The following ACTR8 variants were observed in gnomAD, a reference collection of about 807,000 sequenced individuals.
The protein encoded by ACTR8 is actin related protein 8, also known as actin-related protein 8.
Under a neutral mutation model 84.3 loss-of-function variants are expected in ACTR8, and 70 were observed. The observed-to-expected ratio is 0.83, with a 90% CI of 0.68 to 1.01. The LOEUF (loss-of-function observed/expected upper bound fraction) is 1.01. Ranked by LOEUF, ACTR8 falls within the 50% of genes least tolerant of loss-of-function variation. The probability of loss-of-function intolerance (pLI) is 0.00; values close to 1 mark genes in which losing one functional copy is unlikely to be tolerated. For missense variants in ACTR8, 672 were observed against 775.4 expected (o/e 0.87, Z 1.58); for synonymous variants, 268 against 275.2 (o/e 0.97, Z 0.26).
chr3:53,870,648 AAAAT>A lies in ACTR8; in HGVS notation c.1568-507_1568-504del, dbSNP rs141455868. Among the ~76,000 whole-genome samples, 35,945 of 151,670 alleles carry A rather than the reference AAAAT, an allele frequency of 0.24. 5,001 individuals are homozygous for A. Among genetic ancestry groups the A allele is most frequent in the East Asian group, 0.4 (2,017 of 5,096 alleles). On this transcript the variant is annotated intron_variant, in intron 11 of 12. Coordinates refer to ENST00000335754, the MANE Select transcript of ACTR8 (RefSeq NM_022899.5). This position sits in a 1 kb window ranked among gnomAD's most constrained non-coding sequence, Gnocchi z 4.1. ...CCTGGGCAATGGAGTGAGACTCTGA[AAAAT>A]AAATAAATAAAATCTTTAAAGGGAC... is the stretch of plus-strand genomic sequence containing the variant.
At chr3:53,876,509 ACT>A in intron 6 of ACTR8, 109 bp downstream of exon 6, 1 of 699,442 alleles carries the variant, frequency 1.4e-6, no homozygotes, top group East Asian at 3.1e-5. Context: ...ACAGAGAGAG[ACT>A]CTGTCTCAAA....
At position 53,877,711 on chromosome 3, in the gene ACTR8, T is replaced by C. The variant is rs768886722; in HGVS notation, c.446A>G (p.Asp149Gly). The change falls in exon 4 of 13, where the codon GAT becomes GGT. Residue 149 changes from aspartate to glycine, a missense_variant. By Grantham distance (94) the Asp-to-Gly change is moderately conservative (BLOSUM62 -1). Coordinates refer to ENST00000335754, the MANE Select transcript of ACTR8 (RefSeq NM_022899.5). ...YNKQMRPAIL[D>G]HCSGNKWTNT... ...TGTCCACTTATTTCCCGAACAGTGA[T>C]CTAAAATTGCAGGTCGCATCTGCTT... 3.1e-6 allele frequency: 5 copies of C among 1,614,044 alleles called. No individual in the cohort carries two copies. The East Asian group carries it at 1.1e-4, about 36-fold the overall frequency.
At chr3:53,881,815 C>G (rs1477885339) in intron 1 of ACTR8, 164 bp downstream of exon 1, 5 of 1,200,378 alleles carry the variant, frequency 4.2e-6, no homozygotes, top group African/African-American at 1.5e-5. Flanking sequence ...CCCTCGGCGT[C>G]CCGGCGCGCC....
In ACTR8 at chr3:53,875,984, C is replaced by G. The variant is rs1220987697; in HGVS notation, c.875G>C (p.Cys292Ser). ...ATGAGACACCCCATCCTCCACACAG[C>G]ATACACTTGTCTTCTGGTCCCCAAC... The part of the protein sequence containing the change: ...VDVGDQKTSV[C>S]CVEDGVSHRN... The change falls in exon 7 of 13, where the codon TGC (cysteine) becomes TCC (serine). Residue 292 changes from cysteine (C) to serine (S), a missense_variant. By Grantham distance (112) the Cys-to-Ser change is moderately radical. Transcript: ENST00000335754. 1 of 1,614,218 alleles carries G rather than the reference C, an allele frequency of 6.2e-7. No homozygotes were observed. Among genetic ancestry groups the G allele is most frequent in the Non-Finnish European group, 8.5e-7 (1 of 1,180,042 alleles).
In ACTR8 at chr3:53,876,086, G is replaced by GC; in HGVS notation, c.779-7_779-6insG. 1.3e-6 allele frequency: 2 copies of GC among 1,582,436 alleles called. No individual in the cohort carries two copies. The highest frequency in any genetic ancestry group is 2.4e-5 in the East Asian group (1 of 42,088). On this transcript the variant is annotated splice_region_variant and splice_polypyrimidine_tract_variant and intron_variant, in intron 6 of 12. Transcript: ENST00000335754. ...CTCCTGATGGACCACAATCCCTGGG[G>GC]GGGGAAAAGAAAAGGCAGAGTAGTC...
rs1576860698 is a variant in ACTR8, at chr3:53,870,277, T to C, written c.1568-132A>G. On this transcript the variant is annotated intron_variant, in intron 11 of 12. Coordinates refer to ENST00000335754, the MANE Select transcript of ACTR8 (RefSeq NM_022899.5). The surrounding 1 kb of genome is among the most constrained non-coding windows in gnomAD (Gnocchi z 4.1). Reference sequence around the variant, plus strand: ...TTTCCCTCCAGCCCACCCTCCACACTGCAGCCAGGGGAACCCTACGAAACA... The same window carrying C: ...TTTCCCTCCAGCCCACCCTCCACACCGCAGCCAGGGGAACCCTACGAAACA... The C allele has an allele frequency of 2.9e-6, 3 of 1,042,312 alleles. No homozygotes were observed. In the East Asian group the frequency reaches 7.3e-5, roughly 25 times the overall value. 64.6% of individuals were successfully genotyped at this position (1,042,312 alleles called of 1,614,324 possible).
rs184667584 is a variant in ACTR8 at position 53,870,285 on chromosome 3, G to A, written c.1568-140C>T. Reference sequence around the variant, plus strand: ...CAGCCCACCCTCCACACTGCAGCCAGGGGAACCCTACGAAACACAAATGTA... The same window carrying A: ...CAGCCCACCCTCCACACTGCAGCCAAGGGAACCCTACGAAACACAAATGTA... On this transcript the variant is annotated intron_variant, in intron 11 of 12. Coordinates refer to ENST00000335754, the MANE Select transcript of ACTR8 (RefSeq NM_022899.5). This position sits in a 1 kb window ranked among gnomAD's most constrained non-coding sequence, Gnocchi z 4.1. 1.0e-5 allele frequency: 10 copies of A among 969,046 alleles called. No individual in the cohort carries two copies. In the East Asian group the frequency reaches 2.2e-4, roughly 21 times the overall value. 60.0% of individuals were successfully genotyped at this position (969,046 alleles called of 1,614,324 possible). A position where few individuals can be genotyped will look rare whatever the true frequency, so the allele number is the denominator to read the frequency against.
At chr3:53,877,152 C>G in intron 5 of ACTR8, 62 bp downstream of exon 5, 1 of 1,467,596 alleles carries the variant, frequency 6.8e-7, no homozygotes, top group South Asian at 1.4e-5. Flanking sequence ...AACTCGGTAA[C>G]GTGTACTTTC....
In ACTR8 at chr3:53,870,123, C is replaced by A; in HGVS notation, c.1590G>T (p.Lys530Asn). 5.0e-6 allele frequency: 8 copies of A among 1,613,492 alleles called. No homozygotes were observed. The highest frequency in any genetic ancestry group is 5.1e-6 in the Non-Finnish European group (6 of 1,179,500). Residue 530 changes from lysine (K) to asparagine (N), a missense_variant, in exon 12 of 13, where the codon AAG becomes AAT. Lys to Asn is a moderately conservative substitution (Grantham distance 94). Coordinates refer to ENST00000335754, the MANE Select transcript of ACTR8 (RefSeq NM_022899.5). This position sits in a 1 kb window ranked among gnomAD's most constrained non-coding sequence, Gnocchi z 4.1. ...CCACCACTAGGATGGAGCTGTACAT[C>A]TTCTTTTTGGTGTCGTCAGATGCTG... ...DCCSSDDTKK[K>N]MYSSILVVGG...
At chr3:53,878,605 A>G in intron 2 of ACTR8, 138 bp from the exon 3 acceptor site, 1 of 636,154 alleles carries the variant, frequency 1.6e-6, no homozygotes, top group Non-Finnish European at 2.8e-6. Flanking sequence ...TATCACATGT[A>G]CTGCTCTTAA....
chr3:53,864,826 T>C, downstream of ACTR8: 1 of 1,614,192 alleles, frequency 6.2e-7, no homozygotes, highest in Non-Finnish European at 8.5e-7. Flanking sequence ...ATCTGAAATA[T>C]GTTTCCATCA....
rs1404384645 is a variant in ACTR8 at position 53,870,067 on chromosome 3, T to C, written c.1646A>G (p.Glu549Gly). The C allele has an allele frequency of 1.2e-6, 2 of 1,614,184 alleles. No homozygotes were observed. The highest frequency in any genetic ancestry group is 3.3e-5 in the Admixed American group (2 of 60,022). Residue 549 changes from glutamate to glycine, a missense_variant, in exon 12 of 13, where the codon GAA becomes GGA. Transcript: ENST00000335754. This position sits in a 1 kb window ranked among gnomAD's most constrained non-coding sequence, Gnocchi z 4.1. ...GTTGAGAATTCTGTGCTGCAGAAAT[T>C]CTTGAGCTTTATGAAACATCAAACC... The part of the protein sequence containing the change: ...GGGLMFHKAQ[E>G]FLQHRILNKM...
At chr3:53,873,761 C>T (rs1382871583) in intron 8 of ACTR8, among the ~76,000 whole-genome samples, 2 of 152,292 alleles carry the variant, frequency 1.3e-5, no homozygotes, top group East Asian at 3.9e-4. Context: ...TCCTTAAGGG[C>T]TTTCACCTGC....
At chr3:53,865,278 A>C, downstream of ACTR8, 1 of 1,608,650 alleles carries the variant, frequency 6.2e-7, no homozygotes. Context: ...AAAGATCACA[A>C]GCCTGCCACG....
chr3:53,876,566 A>G lies in ACTR8; in HGVS notation c.778+54T>C. The G allele has an allele frequency of 3.0e-6, 3 of 1,008,248 alleles. No individual in the cohort carries two copies. The South Asian group carries it at 4.2e-5, about 14-fold the overall frequency. 62.5% of individuals were successfully genotyped at this position (1,008,248 alleles called of 1,614,324 possible). A position where few individuals can be genotyped will look rare whatever the true frequency, so the allele number is the denominator to read the frequency against. On this transcript the variant is annotated intron_variant, in intron 6 of 12. Coordinates refer to ENST00000335754, the MANE Select transcript of ACTR8 (RefSeq NM_022899.5). The stretch of plus-strand genomic sequence containing the variant: ...GTCAGTAAATAAGATTAACTCTGTC[A>G]TTAAAGAAAGAAAATTCCATTTAAA...
chr3:53,868,323 G>C lies in ACTR8; in HGVS notation c.*396C>G, dbSNP rs148353645. The C allele has an allele frequency of 4.9e-5, 8 of 162,574 alleles. No homozygotes were observed. The East Asian group carries it at 1.4e-3, about 29-fold the overall frequency. The allele number at this position is 162,574 out of a possible 1,614,324, so 10.1% of individuals were successfully genotyped here. A position where few individuals can be genotyped will look rare whatever the true frequency, so the allele number is the denominator to read the frequency against. On this transcript the variant is annotated 3_prime_UTR_variant, in exon 13 of 13. Coordinates refer to ENST00000335754, the MANE Select transcript of ACTR8 (RefSeq NM_022899.5). ...CTAGACAAGAGAGAAAATGGCATGA[G>C]TGGACAGTTCTCCCTCGTCACATAC...
At chr3:53,871,527 G>A in intron 10 of ACTR8, 31 bp from the exon 11 acceptor site, 1 of 1,610,682 alleles carries the variant, frequency 6.2e-7, no homozygotes, top group Non-Finnish European at 8.5e-7. Context: ...CAAGTATGTG[G>A]TATTACAACA....
At position 53,870,101 on chromosome 3, in the gene ACTR8, C is replaced by A. The variant is rs1559790840; in HGVS notation, c.1612G>T (p.Val538Leu). ...KKKMYSSILV[V>L]GGGLMFHKAQ... The stretch of plus-strand genomic sequence containing the variant: ...TTATGAAACATCAAACCACCTCCCA[C>A]CACTAGGATGGAGCTGTACATCTTC... Residue 538 changes from valine (V) to leucine (L), a missense_variant, in exon 12 of 13, where the codon GTG becomes TTG. By Grantham distance (32) the Val-to-Leu change is conservative. Transcript: ENST00000335754. This position sits in a 1 kb window ranked among gnomAD's most constrained non-coding sequence, Gnocchi z 4.1. 1 of 1,614,190 alleles carries A rather than the reference C, an allele frequency of 6.2e-7. No homozygotes were observed. The highest frequency in any genetic ancestry group is 2.2e-5 in the East Asian group (1 of 44,880).
the ACTR8 span, chr3:53,861,597 A>G: frequency 6.6e-5 from 10 of 152,370 alleles, no homozygotes; most frequent in South Asian, 2.1e-3. Context: ...AAGCAAAGTC[A>G]TTATATGACA....
Sources: allele counts gnomAD v4.1 joint callset (sites outside exome capture counted in the v4.1 genomes callset), GRCh38; gene constraint gnomAD v4.1.1; non-coding constraint Gnocchi (gnomAD v3.1); transcripts MANE v1.5; gene names NCBI Gene and HGNC (gene_info 2026-07-23, HGNC 2026-07-21).